Variants in HSD17B14 observed in about 807,000 individuals in gnomAD.
HSD17B14 encodes the protein L-fucose dehydrogenase.
In HSD17B14, 32 loss-of-function variants were observed where a neutral mutation model predicts 32.2. That is an observed-to-expected ratio of 0.99 (90% confidence interval 0.75 to 1.33). HSD17B14 has a LOEUF of 1.33. Among genes scored for constraint, HSD17B14 ranks in the 40% most tolerant of loss-of-function variants. The pLI is 0.00. For missense variants in HSD17B14, 370 were observed against 366.5 expected, an observed-to-expected ratio of 1.01 and a Z score of -0.08; for synonymous variants, 140 against 155.4, an observed-to-expected ratio of 0.90 and a Z score of 0.74.
At chr19:48,816,039 A>AG (rs1568517018) in intron 5 of HSD17B14, among the ~76,000 whole-genome samples, 2 of 151,520 alleles carry the variant, frequency 1.3e-5, no homozygotes, top group Non-Finnish European at 2.9e-5. Context: ...AAAAAAAAAA[A>AG]AAAAGAAATG....
Position 48,834,297 on chromosome 19 carries a change from C to T in HSD17B14, c.189G>A (p.Val63=). 1.2e-6 allele frequency: 2 copies of T among 1,614,000 alleles called. No homozygotes were observed. Among genetic ancestry groups the T allele is most frequent in the Non-Finnish European group, 8.5e-7 (1 of 1,179,904 alleles). ...TTACCTTCACATCATCTTCCTGAGT[C>T]ACATCACAGAGGATAAAGACAGCTC... ...LPGAVFILCD[V]TQEDDVKTLV... The change falls in exon 3 of 9, where the codon GTG becomes GTA. Residue 63 remains valine (V), a synonymous_variant. Transcript: ENST00000263278.
chr19:48,832,149 G>A (rs979586316), intron 4 of HSD17B14, among the ~76,000 whole-genome samples: 2 of 150,032 alleles, frequency 1.3e-5, no homozygotes, highest in African/African-American at 4.9e-5. Context: ...GGAGGCCGAG[G>A]TGGGCAGATC....
At position 48,831,773 on chromosome 19, in the gene HSD17B14, T is replaced by TGA; in HGVS notation, c.278-16_278-15dup. ...GTGGGGGTGGGTCTAAAGTGGGGGG[T>TGA]GAGAGAGAGAGGAAAAGTGACGGGG... On this transcript the variant is annotated splice_polypyrimidine_tract_variant and intron_variant, in intron 4 of 8. Transcript: ENST00000263278. 1.3e-6 allele frequency: 2 copies of TGA among 1,504,906 alleles called. No individual in the cohort carries two copies. Among genetic ancestry groups the TGA allele is most frequent in the Non-Finnish European group, 1.8e-6 (2 of 1,091,580 alleles). 93.2% of individuals were successfully genotyped at this position (1,504,906 alleles called of 1,614,324 possible).
Position 48,834,491 on chromosome 19 carries a change from GGTCT to G in HSD17B14, c.128-137_128-134del, listed in dbSNP as rs2035428708. 13 of 467,120 alleles carry G rather than the reference GGTCT, an allele frequency of 2.8e-5. 1 individual carries two copies. The highest frequency in any genetic ancestry group is 4.1e-5 in the East Asian group (1 of 24,534). 28.9% of individuals were successfully genotyped at this position (467,120 alleles called of 1,614,324 possible). ...CTGGGTCTGAGGGAGGAGGGGCTGA[GGTCT>G]GGACTCCTGGGTCTGAGGAAGTAGG... On this transcript the variant is annotated intron_variant, in intron 2 of 8. Coordinates refer to ENST00000263278, the MANE Select transcript of HSD17B14 (RefSeq NM_016246.3).
rs1304534652 is a variant in HSD17B14, at chr19:48,832,653, T to C, written c.277+13A>G. The C allele has an allele frequency of 6.2e-7, 1 of 1,610,898 alleles. No homozygotes were observed. Among genetic ancestry groups the C allele is most frequent in the South Asian group, 1.1e-5 (1 of 90,416 alleles). On this transcript the variant is annotated intron_variant, in intron 4 of 8. Coordinates refer to ENST00000263278, the MANE Select transcript of HSD17B14 (RefSeq NM_016246.3). ...CAGGAGGTGGAGAATGGCCCTGGGG[T>C]CTCACAACTCACGGTGGCCAGCGTT...
chr19:48,816,826 T>TC (rs1352133457), intron 5 of HSD17B14, among the ~76,000 whole-genome samples: 6 of 148,878 alleles, frequency 4.0e-5, no homozygotes, highest in Admixed American at 1.4e-4. Context: ...TTTCTTTCTT[T>TC]TCTTTCTCTC....
At chr19:48,835,262 G>A (rs540918670) in intron 2 of HSD17B14, among the ~76,000 whole-genome samples, 22 of 57,576 alleles carry the variant, frequency 3.8e-4, no homozygotes, top group African/African-American at 3.2e-3. Flanking sequence ...AGGAGGGGCT[G>A]GGGGCCTGGA....
chr19:48,832,079 G>GAA (rs71294393), intron 4 of HSD17B14, among the ~76,000 whole-genome samples: 17,061 of 59,856 alleles, frequency 0.29, 2,230 homozygotes, highest in East Asian at 0.35. Context: ...CCCCATCTCA[G>GAA]AAAAAAAAAA....
rs760730151 is a variant in HSD17B14, at chr19:48,815,083, A to G, written c.428T>C (p.Val143Ala). The change falls in exon 6 of 9, where the codon GTG becomes GCG. Residue 143 changes from valine (V) to alanine (A), a missense_variant. Transcript: ENST00000263278. ...QGNVINISSL[V>A]GAIGQAQAVP... Reference sequence around the variant, plus strand: ...TGCCTGGGCCTGGCCGATTGCCCCCACCAGGCTGGAGATGTTGATGACATT... The same window carrying G: ...TGCCTGGGCCTGGCCGATTGCCCCCGCCAGGCTGGAGATGTTGATGACATT... 27 of 1,613,910 alleles carry G rather than the reference A, an allele frequency of 1.7e-5. No homozygotes were observed. The highest frequency in any genetic ancestry group is 2.3e-5 in the Non-Finnish European group (27 of 1,179,974).
At chr19:48,834,741 G>A (rs1287561878) in intron 2 of HSD17B14, among the ~76,000 whole-genome samples, 4 of 90,586 alleles carry the variant, frequency 4.4e-5, no homozygotes, top group Admixed American at 1.0e-4. Context: ...TGAGGGAGGA[G>A]GGGCTGGGAG....
chr19:48,835,631 G>A lies in HSD17B14; in HGVS notation c.127+174C>T, dbSNP rs867488180. 1.6e-4 allele frequency among the ~76,000 whole-genome samples: 23 copies of A among 145,674 alleles called. No homozygotes were observed. The East Asian group carries it at 3.4e-3, about 22-fold the overall frequency. On this transcript the variant is annotated intron_variant, in intron 2 of 8. Transcript: ENST00000263278. The stretch of plus-strand genomic sequence containing the variant: ...CTGGGTCTGAGGGCAGAGGGGCTGG[G>A]GGCCTGGACTCCTAGGTCTGAGGGA...
At chr19:48,821,447 C>A (rs752117341) in intron 5 of HSD17B14, among the ~76,000 whole-genome samples, 14 of 152,158 alleles carry the variant, frequency 9.2e-5, no homozygotes, top group Non-Finnish European at 1.5e-4. Flanking sequence ...TCCTTAATCC[C>A]GCCCTTGTTT....
chr19:48,836,431 C>T lies in HSD17B14; in HGVS notation c.-20G>A, dbSNP rs368920224. The T allele has an allele frequency of 2.5e-6, 4 of 1,612,004 alleles. No individual in the cohort carries two copies. Among genetic ancestry groups the T allele is most frequent in the Non-Finnish European group, 3.4e-6 (4 of 1,179,216 alleles). On this transcript the variant is annotated 5_prime_UTR_variant, in exon 1 of 9. Coordinates refer to ENST00000263278, the MANE Select transcript of HSD17B14 (RefSeq NM_016246.3). The stretch of plus-strand genomic sequence containing the variant: ...AGCCATCCCGTGTACGTCGGTCTCT[C>T]TCTCTCTCTACTCTGGGCCTCTTTC...
chr19:48,816,779 T>TTTTTTTTCTTTCTTTCTTTCTTTC (rs1555775882), intron 5 of HSD17B14, among the ~76,000 whole-genome samples: 1 of 122,180 alleles, frequency 8.2e-6, no homozygotes, highest in Non-Finnish European at 1.7e-5. Context: ...GCAAGACCCT[T>TTTTTTTTCTTTCTTTCTTTCTTTC]TTTCTTTCTT....
intron 3 of HSD17B14, among the ~76,000 whole-genome samples, chr19:48,833,508 A>G (rs1568525208): frequency 6.6e-6 from 1 of 152,018 alleles, no homozygotes; most frequent in Non-Finnish European, 1.5e-5. Context: ...CCTGGCCAAC[A>G]TGGTGAAACC....
intron 5 of HSD17B14, among the ~76,000 whole-genome samples, chr19:48,826,525 G>GAAGAAAAAAAAAAAAAA (rs1555776978): frequency 1.9e-4 from 1 of 5,142 alleles, no homozygotes; most frequent in African/African-American, 2.7e-4. Flanking sequence ...AAGAAAAGAA[G>GAAGAAAAAAAAAAAAAA]AAAATATATA....
At chr19:48,813,852 C>A in intron 6 of HSD17B14, 122 bp from the exon 7 acceptor site, 2 of 1,029,872 alleles carry the variant, frequency 1.9e-6, no homozygotes, top group South Asian at 1.4e-5. Flanking sequence ...TTGAAGGCTG[C>A]CTTCAGAGGC....
chr19:48,819,525 C>A (rs1018395158), intron 5 of HSD17B14, among the ~76,000 whole-genome samples: 4 of 152,174 alleles, frequency 2.6e-5, no homozygotes, highest in Non-Finnish European at 5.9e-5. Context: ...TCTCTTCTTG[C>A]AACATCCCGT....
At chr19:48,832,811 T>C in intron 3 of HSD17B14, 79 bp from the exon 4 acceptor site, 2 of 1,225,850 alleles carry the variant, frequency 1.6e-6, no homozygotes, top group Non-Finnish European at 2.4e-6. Flanking sequence ...TGGAGTGCAT[T>C]GGCACGATCT....
Sources: gnomAD v4.1 joint callset for allele counts (sites outside exome capture counted in the v4.1 genomes callset) on GRCh38, gnomAD v4.1.1 for gene constraint, MANE v1.5 for transcripts, NCBI Gene and HGNC (gene_info 2026-07-23, HGNC 2026-07-21) for gene names.